Variants in GMDS observed in about 807,000 individuals in gnomAD.
GMDS encodes the protein GDP-mannose 4,6 dehydratase.
In GMDS, 20 loss-of-function variants were observed where a neutral mutation model predicts 49.9. The ratio of observed to expected loss-of-function variants is 0.40; its 90% CI spans 0.28 to 0.58. The LOEUF (loss-of-function observed/expected upper bound fraction) is 0.58, where lower values mean the gene tolerates loss of function less well. Among genes scored for constraint, GMDS ranks in the 20% least tolerant of loss-of-function variants. The pLI is 0.42. For missense variants in GMDS, 362 were observed against 481.4 expected, an observed-to-expected ratio of 0.75 and a Z score of 2.32; for synonymous variants, 177 against 178.6, an observed-to-expected ratio of 0.99 and a Z score of 0.07.
intron 2 of GMDS, among the ~76,000 whole-genome samples, chr6:2,121,722 T>C (rs1158197084): frequency 6.6e-6 from 1 of 152,254 alleles, no homozygotes; most frequent in Non-Finnish European, 1.5e-5. Flanking sequence ...ATTTATACTT[T>C]CATTTTGCTT....
At chr6:1,662,860 G>A (rs538743878) in intron 9 of GMDS, among the ~76,000 whole-genome samples, 32 of 152,310 alleles carry the variant, frequency 2.1e-4, no homozygotes, top group African/African-American at 7.7e-4. Context: ...CTACTTTGGG[G>A]ATGAATTAAA....
At chr6:2,079,515 C>T (rs1028989741) in intron 4 of GMDS, among the ~76,000 whole-genome samples, 26 of 152,174 alleles carry the variant, frequency 1.7e-4, no homozygotes, top group African/African-American at 6.3e-4. Context: ...AGGATTAGGA[C>T]TCCCTTAAGC....
intron 4 of GMDS, among the ~76,000 whole-genome samples, chr6:2,100,536 C>A (rs1398557913): frequency 2.0e-5 from 3 of 151,950 alleles, no homozygotes; most frequent in Non-Finnish European, 2.9e-5. Flanking sequence ...CGTCACAATA[C>A]AATGTAAATA....
At chr6:1,651,863 C>A (rs960854844) in intron 9 of GMDS, among the ~76,000 whole-genome samples, 3 of 152,146 alleles carry the variant, frequency 2.0e-5, no homozygotes, top group Non-Finnish European at 4.4e-5. Context: ...AGTATAGCTG[C>A]CCAAATGCCT....
At chr6:2,155,413 A>G (rs1225890115) in intron 1 of GMDS, among the ~76,000 whole-genome samples, 1 of 152,172 alleles carries the variant, frequency 6.6e-6, no homozygotes, top group Non-Finnish European at 1.5e-5. Context: ...ATAAAAGGTA[A>G]TTACCATTTG....
chr6:1,700,419 G>A (rs1340924445), intron 9 of GMDS, among the ~76,000 whole-genome samples: 1 of 152,146 alleles, frequency 6.6e-6, no homozygotes, highest in South Asian at 2.1e-4. Context: ...CAGTACCACT[G>A]AAAGCAGGAG....
intron 9 of GMDS, among the ~76,000 whole-genome samples, chr6:1,693,058 C>T (rs1376693327): frequency 1.3e-5 from 2 of 152,302 alleles, no homozygotes; most frequent in East Asian, 3.9e-4. Context: ...CTTTTGGCTC[C>T]TCCTTTCGTG....
At chr6:2,135,813 T>C (rs1222886865) in intron 1 of GMDS, among the ~76,000 whole-genome samples, 1 of 152,208 alleles carries the variant, frequency 6.6e-6, no homozygotes, top group Non-Finnish European at 1.5e-5. Context: ...TCTAGAATGT[T>C]TTATGCACAT....
At chr6:1,810,170 T>A (rs1194373981) in intron 7 of GMDS, among the ~76,000 whole-genome samples, 2 of 152,142 alleles carry the variant, frequency 1.3e-5, no homozygotes, top group East Asian at 3.9e-4. Context: ...TAACTGCGTA[T>A]GTCACTGTGT....
chr6:2,233,871 A>G (rs1357029439), intron 1 of GMDS, among the ~76,000 whole-genome samples: 1 of 152,228 alleles, frequency 6.6e-6, no homozygotes, highest in Non-Finnish European at 1.5e-5. Context: ...GGTCCAGGGG[A>G]TACAGTTTGT....
At chr6:1,756,666 G>A (rs1767958847) in intron 7 of GMDS, among the ~76,000 whole-genome samples, 1 of 152,210 alleles carries the variant, frequency 6.6e-6, no homozygotes, top group Non-Finnish European at 1.5e-5. Context: ...GATGGCCAAG[G>A]CGGACTGACT....
chr6:1,816,146 G>A (rs1312691114), intron 7 of GMDS, among the ~76,000 whole-genome samples: 5 of 152,170 alleles, frequency 3.3e-5, no homozygotes, highest in African/African-American at 1.2e-4. Context: ...TAGGGTAGGC[G>A]GTAGAGGGTG....
chr6:2,056,275 A>G lies in GMDS; in HGVS notation c.345+59496T>C, dbSNP rs77202949. Among the ~76,000 whole-genome samples, 804 of 152,336 alleles carry G rather than the reference A, an allele frequency of 5.3e-3. 6 individuals are homozygous for G. Among genetic ancestry groups the G allele is most frequent in the Non-Finnish European group, 9.2e-3 (624 of 68,022 alleles). ...TTCAAGTGAAGAAATTGAGGTCCAC[A>G]AAGTTAAGTAAGTCCCTAAATTACA... On this transcript the variant is annotated intron_variant, in intron 4 of 10. Coordinates refer to ENST00000380815, the MANE Select transcript of GMDS (RefSeq NM_001500.4).
Position 2,215,047 on chromosome 6 carries a change from T to G in GMDS, c.102+30274A>C, listed in dbSNP as rs577791155. On this transcript the variant is annotated intron_variant, in intron 1 of 10. Coordinates refer to ENST00000380815, the MANE Select transcript of GMDS (RefSeq NM_001500.4). ...ACCCCACATCAAGAAAAATCAAGACTGAATCTGATTAAGTCTTTAAATCTA... is the reference window on the plus strand; with the variant it reads ...ACCCCACATCAAGAAAAATCAAGACGGAATCTGATTAAGTCTTTAAATCTA... Among the ~76,000 whole-genome samples the G allele has an allele frequency of 1.0e-3, 152 of 152,292 alleles. 1 individual carries two copies. The highest frequency in any genetic ancestry group is 1.9e-3 in the Non-Finnish European group (132 of 68,008).
intron 7 of GMDS, among the ~76,000 whole-genome samples, chr6:1,792,050 T>G (rs776416063): frequency 4.6e-5 from 7 of 152,212 alleles, no homozygotes; most frequent in Non-Finnish European, 7.3e-5. Flanking sequence ...CTACAGAATT[T>G]TTAGCATATT....
chr6:1,892,172 T>C (rs1759901525), intron 7 of GMDS, among the ~76,000 whole-genome samples: 1 of 151,858 alleles, frequency 6.6e-6, no homozygotes, highest in South Asian at 2.1e-4. Flanking sequence ...ATGACATTTC[T>C]TTTCTCTCGG....
chr6:1,938,896 A>T (rs1050742695), intron 6 of GMDS, among the ~76,000 whole-genome samples: 1 of 151,342 alleles, frequency 6.6e-6, no homozygotes, highest in African/African-American at 2.4e-5. Flanking sequence ...GTCCTTCAGC[A>T]ATCTAATCTA....
chr6:2,004,292 T>C (rs1767017017), intron 4 of GMDS, among the ~76,000 whole-genome samples: 1 of 152,200 alleles, frequency 6.6e-6, no homozygotes, highest in Non-Finnish European at 1.5e-5. Flanking sequence ...GGACTTTTTC[T>C]GGATATAGTG....
At chr6:1,663,804 T>C (rs1764159221) in intron 9 of GMDS, among the ~76,000 whole-genome samples, 1 of 152,190 alleles carries the variant, frequency 6.6e-6, no homozygotes, top group Admixed American at 6.5e-5. Context: ...CAGAGAGGCC[T>C]TCCTTGATCA....
Sources: gnomAD v4.1 joint callset for allele counts (sites outside exome capture counted in the v4.1 genomes callset) on GRCh38, gnomAD v4.1.1 for gene constraint, MANE v1.5 for transcripts, NCBI Gene and HGNC (gene_info 2026-07-23, HGNC 2026-07-21) for gene names.